Variants in SLC24A2 observed in about 807,000 individuals in gnomAD.
SLC24A2 encodes solute carrier family 24 member 2, also known as sodium/potassium/calcium exchanger 2.
A neutral mutation model predicts 62.0 loss-of-function variants in SLC24A2; 36 were observed. The observed-to-expected ratio is 0.58, with a 90% CI of 0.44 to 0.77. SLC24A2 has a LOEUF of 0.77. SLC24A2 is among the 30% of genes least tolerant of loss of function. The pLI, the probability that SLC24A2 is intolerant of heterozygous loss-of-function variation, is 0.00. For missense variants in SLC24A2, 846 were observed against 817.9 expected (o/e 1.03, Z -0.42); for synonymous variants, 358 against 294.0 (o/e 1.22, Z -2.23).
At chr9:20,124,981 C>G in the SLC24A2 span, among the ~76,000 whole-genome samples, 1 of 152,142 alleles carries the variant, frequency 6.6e-6, no homozygotes, top group Middle Eastern at 3.2e-3. Flanking sequence ...AACAATAGAT[C>G]TAGATTCAAA....
the SLC24A2 span, among the ~76,000 whole-genome samples, chr9:20,108,631 A>T: frequency 6.8e-6 from 1 of 147,580 alleles, no homozygotes; most frequent in East Asian, 2.1e-4. Context: ...TCTCACTCAT[A>T]GGTGGGAATT....
chr9:19,732,043 A>C (rs1821354857), intron 2 of SLC24A2, among the ~76,000 whole-genome samples: 1 of 152,194 alleles, frequency 6.6e-6, no homozygotes, highest in Non-Finnish European at 1.5e-5. Context: ...GCAGGTGCTC[A>C]AAAATGATAC....
chr9:20,280,667 T>A, the SLC24A2 span, among the ~76,000 whole-genome samples: 2 of 151,864 alleles, frequency 1.3e-5, no homozygotes, highest in African/African-American at 4.8e-5. Context: ...CCGAAAGACA[T>A]GTCCACATCC....
chr9:20,028,576 C>G, the SLC24A2 span, among the ~76,000 whole-genome samples: 1 of 152,334 alleles, frequency 6.6e-6, no homozygotes, highest in Admixed American at 6.5e-5. Flanking sequence ...ACCCAAATGG[C>G]TCCCCACCCT....
the SLC24A2 span, among the ~76,000 whole-genome samples, chr9:19,823,726 C>A: frequency 6.6e-6 from 1 of 152,086 alleles, no homozygotes; most frequent in African/African-American, 2.4e-5. Context: ...CAGTCCTAAG[C>A]AAAAAGAACA....
the SLC24A2 span, among the ~76,000 whole-genome samples, chr9:19,809,094 C>T: frequency 6.6e-6 from 1 of 152,070 alleles, no homozygotes; most frequent in East Asian, 1.9e-4. Context: ...ATACCTTTGG[C>T]TTTTTTGTTT....
At chr9:19,721,558 T>TA (rs1260865817) in intron 2 of SLC24A2, among the ~76,000 whole-genome samples, 1 of 152,124 alleles carries the variant, frequency 6.6e-6, no homozygotes, top group Non-Finnish European at 1.5e-5. Context: ...ATAAATCTGA[T>TA]AAAATCAGGG....
chr9:19,517,235 C>A (rs1024286987), intron 10 of SLC24A2, among the ~76,000 whole-genome samples: 11 of 152,112 alleles, frequency 7.2e-5, no homozygotes, highest in Non-Finnish European at 1.5e-5. Flanking sequence ...GCTCAGGGAA[C>A]ATGGGCATTT....
At chr9:20,087,525 A>C in the SLC24A2 span, among the ~76,000 whole-genome samples, 1 of 152,214 alleles carries the variant, frequency 6.6e-6, no homozygotes, top group African/African-American at 2.4e-5. Flanking sequence ...CAACTGGTCA[A>C]ATCTCAAAGA....
the SLC24A2 span, among the ~76,000 whole-genome samples, chr9:19,840,359 A>G: frequency 2.0e-5 from 3 of 151,646 alleles, no homozygotes; most frequent in Non-Finnish European, 4.4e-5. Flanking sequence ...AAATAACAGG[A>G]TTAGAAAACC....
the SLC24A2 span, among the ~76,000 whole-genome samples, chr9:20,040,978 C>A: frequency 6.6e-6 from 1 of 152,172 alleles, no homozygotes; most frequent in East Asian, 1.9e-4. Flanking sequence ...TAATTCCTAA[C>A]GTAATGCTTT....
chr9:19,583,025 T>C (rs912616915), intron 5 of SLC24A2, among the ~76,000 whole-genome samples: 5 of 152,074 alleles, frequency 3.3e-5, no homozygotes, highest in African/African-American at 1.2e-4. Context: ...CCAGCATCTT[T>C]AGTGATCAGT....
At chr9:19,823,783 T>A in the SLC24A2 span, among the ~76,000 whole-genome samples, 3 of 152,122 alleles carry the variant, frequency 2.0e-5, no homozygotes, top group Non-Finnish European at 4.4e-5. Context: ...ACTACAAGGC[T>A]ACAGTAACCA....
chr9:19,595,179 A>G (rs976869843), intron 5 of SLC24A2, among the ~76,000 whole-genome samples: 2 of 152,244 alleles, frequency 1.3e-5, no homozygotes, highest in African/African-American at 4.8e-5. Flanking sequence ...AGTACACAGC[A>G]GCATAATGAA....
At chr9:19,871,716 T>C in the SLC24A2 span, among the ~76,000 whole-genome samples, 1 of 152,192 alleles carries the variant, frequency 6.6e-6, no homozygotes, top group Admixed American at 6.5e-5. Context: ...AATAAGGTAT[T>C]TTTATTATTA....
intron 2 of SLC24A2, among the ~76,000 whole-genome samples, chr9:19,712,465 G>T (rs1372045984): frequency 6.6e-6 from 1 of 152,140 alleles, no homozygotes. Flanking sequence ...CAGCTGCCTA[G>T]GACATCTGCC....
chr9:19,961,367 G>T, the SLC24A2 span, among the ~76,000 whole-genome samples: 2 of 152,110 alleles, frequency 1.3e-5, no homozygotes, highest in African/African-American at 4.8e-5. Flanking sequence ...CCCTCTCTTT[G>T]TTTTTGACAG....
chr9:20,234,147 G>A, the SLC24A2 span, among the ~76,000 whole-genome samples: 15 of 152,100 alleles, frequency 9.9e-5, no homozygotes, highest in Non-Finnish European at 1.3e-4. Context: ...TTTCTCTCTG[G>A]CTGCCCTTAA....
intron 2 of SLC24A2, among the ~76,000 whole-genome samples, chr9:19,773,443 C>T (rs1410737715): frequency 1.3e-5 from 2 of 152,144 alleles, no homozygotes; most frequent in Non-Finnish European, 2.9e-5. Context: ...CCTTACCTAC[C>T]CTGATGCCCA....
Sources: gnomAD v4.1 joint callset for allele counts (sites outside exome capture counted in the v4.1 genomes callset) on GRCh38, gnomAD v4.1.1 for gene constraint, MANE v1.5 for transcripts, NCBI Gene and HGNC (gene_info 2026-07-23, HGNC 2026-07-21) for gene names.